Variants in CETP observed in about 807,000 individuals in gnomAD.
The protein encoded by CETP is cholesteryl ester transfer protein.
Under a neutral mutation model 66.5 loss-of-function variants are expected in CETP, and 56 were observed. The observed-to-expected ratio is 0.84, with a 90% CI of 0.68 to 1.05. CETP has a LOEUF of 1.05. Ranked by LOEUF, CETP falls within the 50% of genes least tolerant of loss-of-function variation. The pLI is 0.00. For missense variants in CETP, 612 were observed against 609.6 expected (o/e 1.00, Z -0.04); for synonymous variants, 251 against 245.7 (o/e 1.02, Z -0.20).
At chr16:56,971,782 C>T (rs750243838) in intron 7 of CETP, among the ~76,000 whole-genome samples, 1 of 152,158 alleles carries the variant, frequency 6.6e-6, no homozygotes, top group Non-Finnish European at 1.5e-5. Context: ...TCTGAACCAA[C>T]CTTCTAGAAG....
At position 56,977,966 on chromosome 16, in the gene CETP, G is replaced by A. The variant is rs543274739; in HGVS notation, c.982-125G>A. ...CAGCCTGGGGCCTGGGCACTACCCC[G>A]AGCTACTTCCTTTTCCCCAGCCCTG... On this transcript the variant is annotated intron_variant, in intron 10 of 15. Coordinates refer to ENST00000200676, the MANE Select transcript of CETP (RefSeq NM_000078.3). The A allele has an allele frequency of 6.6e-4, 746 of 1,129,934 alleles. 1 individual carries two copies. The highest frequency in any genetic ancestry group is 3.3e-3 in the Middle Eastern group (11 of 3,358). The allele number at this position is 1,129,934 out of a possible 1,614,324, so 70.0% of individuals were successfully genotyped here. A position where few individuals can be genotyped will look rare whatever the true frequency, so the allele number is the denominator to read the frequency against.
intron 13 of CETP, 112 bp from the exon 14 acceptor site, chr16:56,982,053 T>G (rs1198206250): frequency 1.9e-6 from 2 of 1,053,560 alleles, no homozygotes; most frequent in Admixed American, 1.8e-5. Context: ...GTTGGATGTA[T>G]TTTTTTCACG....
chr16:56,962,460 G>A (rs539246574), intron 1 of CETP: 10 of 505,894 alleles, frequency 2.0e-5, no homozygotes, highest in South Asian at 1.2e-4. Context: ...GGTGTTGGGG[G>A]TCACTCTATG....
At chr16:56,971,247 A>G (rs1597000140) in intron 6 of CETP, 74 bp from the exon 7 acceptor site, 7 of 1,553,974 alleles carry the variant, frequency 4.5e-6, no homozygotes, top group Admixed American at 3.3e-5. Context: ...CACTGCCACC[A>G]CCACGCAGCT....
At position 56,969,397 on chromosome 16, in the gene CETP, G is replaced by C; in HGVS notation, c.245G>C (p.Ser82Thr). The C allele has an allele frequency of 6.2e-7, 1 of 1,613,964 alleles. No homozygotes were observed. The highest frequency in any genetic ancestry group is 1.1e-5 in the South Asian group (1 of 91,076). The change falls in exon 3 of 16, where the codon AGC becomes ACC. Residue 82 changes from serine (S) to threonine (T), a missense_variant. By Grantham distance (58) the Ser-to-Thr change is moderately conservative. Transcript: ENST00000200676. ...CCATTCCTTCCCAGCATCCAGATCAGCCACTTGTCCATCGCCAGCAGCCAG... is the reference window on the plus strand; with the variant it reads ...CCATTCCTTCCCAGCATCCAGATCACCCACTTGTCCATCGCCAGCAGCCAG... The part of the protein sequence containing the change: ...VKYGLHNIQI[S>T]HLSIASSQVE...
intron 2 of CETP, among the ~76,000 whole-genome samples, chr16:56,966,592 T>G (rs2056068169): frequency 6.6e-6 from 1 of 151,956 alleles, no homozygotes; most frequent in African/African-American, 2.4e-5. Flanking sequence ...TGTTTGTGGG[T>G]TTTTTTGTTT....
chr16:56,971,948 AT>A (rs2056113445), intron 7 of CETP, 43 bp from the exon 8 acceptor site: 2 of 1,549,666 alleles, frequency 1.3e-6, no homozygotes, highest in Non-Finnish European at 1.8e-6. Flanking sequence ...ACTCAGGGCA[AT>A]TCCCCCATCC....
chr16:56,973,207 T>G, intron 8 of CETP, 124 bp from the exon 9 acceptor site: 1 of 1,001,386 alleles, frequency 1.0e-6, no homozygotes, highest in Non-Finnish European at 1.5e-6. Flanking sequence ...TGGGTACAGC[T>G]CTTTCCTCAG....
At chr16:56,966,510 A>T (rs1596996236) in intron 2 of CETP, among the ~76,000 whole-genome samples, 1 of 152,120 alleles carries the variant, frequency 6.6e-6, no homozygotes, top group East Asian at 1.9e-4. Flanking sequence ...AAAATGGAGA[A>T]ATGCACCCTG....
Position 56,971,531 on chromosome 16 carries a change from A to C in CETP, c.658+150A>C. 3.7e-6 allele frequency: 3 copies of C among 800,944 alleles called. No individual in the cohort carries two copies. The East Asian group carries it at 7.3e-5, about 19-fold the overall frequency. The allele number at this position is 800,944 out of a possible 1,614,324, so 49.6% of individuals were successfully genotyped here. A position where few individuals can be genotyped will look rare whatever the true frequency, so the allele number is the denominator to read the frequency against. On this transcript the variant is annotated intron_variant, in intron 7 of 15. Transcript: ENST00000200676. ...TGACACTTGATGATTAGTTATGAGC[A>C]TACTTTGGCAAATCTCTGCCCCTTT... is the stretch of plus-strand genomic sequence containing the variant.
At chr16:56,972,923 G>T (rs538088378) in intron 8 of CETP, among the ~76,000 whole-genome samples, 1 of 152,078 alleles carries the variant, frequency 6.6e-6, no homozygotes, top group Non-Finnish European at 1.5e-5. Flanking sequence ...CTAGTGGGGC[G>T]GGGGACTGGG....
At chr16:56,971,856 C>T in intron 7 of CETP, 136 bp from the exon 8 acceptor site, 1 of 779,052 alleles carries the variant, frequency 1.3e-6, no homozygotes, top group East Asian at 2.5e-5. Flanking sequence ...CACACCCCTC[C>T]CCGCACACCC....
intron 2 of CETP, among the ~76,000 whole-genome samples, chr16:56,966,051 TCA>T (rs2056063983): frequency 6.6e-6 from 1 of 152,056 alleles, no homozygotes; most frequent in African/African-American, 2.4e-5. Context: ...GCCCTCTGTA[TCA>T]GTTTCCTGTT....
rs746520916 is a variant in CETP at position 56,963,006 on chromosome 16, C to G, written c.119-4C>G. ...AGCCCCTCATCCACTGCCCTCCCCT[C>G]TAGTGAACCACGAGACTGCCAAGGT... On this transcript the variant is annotated splice_region_variant and splice_polypyrimidine_tract_variant and intron_variant, in intron 1 of 15. Transcript: ENST00000200676. 1 of 1,613,794 alleles carries G rather than the reference C, an allele frequency of 6.2e-7. No homozygotes were observed. The highest frequency in any genetic ancestry group is 1.1e-5 in the South Asian group (1 of 91,074).
At chr16:56,973,576 G>T in intron 9 of CETP, 66 bp downstream of exon 9, 1 of 1,532,380 alleles carries the variant, frequency 6.5e-7, no homozygotes, top group Non-Finnish European at 9.0e-7. Flanking sequence ...GTGTGCACAC[G>T]CATGGGGAGG....
Position 56,962,061 on chromosome 16 carries a change from A to G in CETP, c.82A>G (p.Ile28Val), listed in dbSNP as rs772113814. The G allele has an allele frequency of 3.7e-6, 6 of 1,613,984 alleles. No individual in the cohort carries two copies. The African/African-American group carries it at 8.0e-5, about 22-fold the overall frequency. Reference sequence around the variant, plus strand: ...CAAAGGCACCTCGCACGAGGCAGGCATCGTGTGCCGCATCACCAAGCCTGC... The same window carrying G: ...CAAAGGCACCTCGCACGAGGCAGGCGTCGTGTGCCGCATCACCAAGCCTGC... The part of the protein sequence containing the change: ...CSKGTSHEAG[I>V]VCRITKPALL... Residue 28 changes from isoleucine (I) to valine (V), a missense_variant, in exon 1 of 16, where the codon ATC (isoleucine) becomes GTC (valine). Transcript: ENST00000200676.
intron 11 of CETP, among the ~76,000 whole-genome samples, chr16:56,980,624 T>TA (rs34355970): frequency 7.9e-5 from 12 of 151,952 alleles, no homozygotes; most frequent in South Asian, 4.2e-4. Flanking sequence ...GAGCATTTGT[T>TA]AAAAAAAAGA....
At chr16:56,963,557 G>C (rs2056041591) in intron 2 of CETP, among the ~76,000 whole-genome samples, 1 of 152,178 alleles carries the variant, frequency 6.6e-6, no homozygotes, top group Admixed American at 6.6e-5. Context: ...CCCACCCCAA[G>C]CCTAAAATTA....
chr16:56,962,861 C>T (rs780714331), intron 1 of CETP, 149 bp from the exon 2 acceptor site: 37 of 700,134 alleles, frequency 5.3e-5, no homozygotes, highest in Non-Finnish European at 8.7e-5. Flanking sequence ...ACCTTAAACC[C>T]AGAGGGAGGC....
Sources: gnomAD v4.1 joint callset for allele counts (sites outside exome capture counted in the v4.1 genomes callset) on GRCh38, gnomAD v4.1.1 for gene constraint, MANE v1.5 for transcripts, NCBI Gene and HGNC (gene_info 2026-07-23, HGNC 2026-07-21) for gene names.